Variants in ZNF676 observed in about 807,000 individuals in gnomAD.
ZNF676 encodes the protein zinc finger protein 676.
ZNF676 carries 4 observed loss-of-function variants against 6.0 expected under a neutral mutation model. That is an observed-to-expected ratio of 0.67 (90% CI 0.33 to 1.53). The LOEUF (loss-of-function observed/expected upper bound fraction) is 1.53, where lower values mean the gene tolerates loss of function less well. Ranked by LOEUF, ZNF676 falls within the 40% of genes most tolerant of loss-of-function variation. The probability of loss-of-function intolerance (pLI) is 0.06; values close to 1 mark genes in which losing one functional copy is unlikely to be tolerated. For missense variants in ZNF676, 644 were observed against 679.7 expected (o/e 0.95, Z 0.58); for synonymous variants, 198 against 223.1 (o/e 0.89, Z 1.00).
At chr19:22,200,566 T>C (rs2024015763), upstream of ZNF676, among the ~76,000 whole-genome samples, 2 of 133,326 alleles carry the variant, frequency 1.5e-5, no homozygotes, top group South Asian at 5.1e-4. Flanking sequence ...TTGCGGAGGC[T>C]GGAGTGCAAT....
upstream of ZNF676, among the ~76,000 whole-genome samples, chr19:22,218,953 T>TTTTGC (rs2024221329): frequency 6.6e-6 from 1 of 151,600 alleles, no homozygotes; most frequent in Admixed American, 6.6e-5. Flanking sequence ...TTTTGTTTTG[T>TTTTGC]TTTCCTAGTC....
the ZNF676 span, among the ~76,000 whole-genome samples, chr19:22,247,137 A>T: frequency 3.9e-5 from 6 of 152,322 alleles, no homozygotes; most frequent in Admixed American, 1.3e-4. Flanking sequence ...ATATTCTACC[A>T]GGGTAAAAAA....
upstream of ZNF676, among the ~76,000 whole-genome samples, chr19:22,219,956 G>C (rs1379635522): frequency 6.6e-6 from 1 of 152,054 alleles, no homozygotes; most frequent in Non-Finnish European, 1.5e-5. Context: ...CGCCCAGCCT[G>C]TCATAGATGG....
At chr19:22,200,845 A>T (rs2024018470), upstream of ZNF676, among the ~76,000 whole-genome samples, 1 of 152,006 alleles carries the variant, frequency 6.6e-6, no homozygotes, top group Non-Finnish European at 1.5e-5. Flanking sequence ...CACTGCACCC[A>T]GCCTGCTTCT....
Position 22,196,794 on chromosome 19 carries a change from G to C in ZNF676, c.-161C>G. ...GGGCAGAACTTTTAATGTGACTCAAGGTAAAATGGAGAGAGTAGAGAGAGC... is the reference window on the plus strand; with the variant it reads ...GGGCAGAACTTTTAATGTGACTCAACGTAAAATGGAGAGAGTAGAGAGAGC... On this transcript the variant is annotated 5_prime_UTR_variant, in exon 1 of 3. Coordinates refer to ENST00000397121, the MANE Select transcript of ZNF676 (RefSeq NM_001001411.3). 1 of 1,361,250 alleles carries C rather than the reference G, an allele frequency of 7.3e-7. No homozygotes were observed. Among genetic ancestry groups the C allele is most frequent in the Non-Finnish European group, 1.0e-6 (1 of 968,216 alleles). 84.3% of individuals were successfully genotyped at this position (1,361,250 alleles called of 1,614,324 possible).
chr19:22,251,063 CAAG>C, the ZNF676 span, among the ~76,000 whole-genome samples: 1 of 152,072 alleles, frequency 6.6e-6, no homozygotes, highest in African/African-American at 2.4e-5. Flanking sequence ...CTTGGGACCC[CAAG>C]AAGAGAGAAA....
At chr19:22,183,645 A>T (rs761667201) in intron 2 of ZNF676, among the ~76,000 whole-genome samples, 2 of 152,202 alleles carry the variant, frequency 1.3e-5, no homozygotes, top group Non-Finnish European at 2.9e-5. Context: ...CAGGTTATTT[A>T]AAAAATTTTA....
intron 2 of ZNF676, among the ~76,000 whole-genome samples, chr19:22,182,593 A>AAAAAAAAAAC (rs1356303631): frequency 1.1e-5 from 1 of 90,930 alleles, no homozygotes; most frequent in African/African-American, 4.5e-5. Flanking sequence ...TCTAAAAAAA[A>AAAAAAAAAAC]AAAAAAAAAG....
the ZNF676 span, among the ~76,000 whole-genome samples, chr19:22,235,786 A>G: frequency 6.6e-6 from 1 of 152,140 alleles, no homozygotes; most frequent in African/African-American, 2.4e-5. Context: ...TATATCCATC[A>G]GGTAGGACAG....
At chr19:22,189,465 T>C (rs1044750012) in intron 2 of ZNF676, among the ~76,000 whole-genome samples, 6 of 151,914 alleles carry the variant, frequency 3.9e-5, no homozygotes, top group African/African-American at 1.5e-4. Flanking sequence ...CATGGGCAAA[T>C]ACTTCATGAC....
Position 22,179,805 on chromosome 19 carries a change from A to T in ZNF676, c.*145T>A. On this transcript the variant is annotated 3_prime_UTR_variant, in exon 3 of 3. Transcript: ENST00000397121. ...GTTTGTAGTGTTTCTCTCCAGCATG[A>T]ATTTTCTTATGTGTAATAAAGATTG... 2.0e-6 allele frequency: 2 copies of T among 985,416 alleles called. No homozygotes were observed. Among genetic ancestry groups the T allele is most frequent in the Admixed American group, 2.1e-5 (1 of 48,584 alleles). 61.0% of individuals were successfully genotyped at this position (985,416 alleles called of 1,614,324 possible).
At chr19:22,222,233 T>C in the ZNF676 span, among the ~76,000 whole-genome samples, 2 of 152,114 alleles carry the variant, frequency 1.3e-5, no homozygotes, top group African/African-American at 4.8e-5. Context: ...GACTCCCGAG[T>C]AGCTGGGACT....
At chr19:22,249,789 G>A in the ZNF676 span, among the ~76,000 whole-genome samples, 1 of 150,426 alleles carries the variant, frequency 6.6e-6, no homozygotes, top group African/African-American at 2.4e-5. Flanking sequence ...GCACAGATCT[G>A]TTCCTTAACA....
intron 1 of ZNF676, among the ~76,000 whole-genome samples, chr19:22,210,407 C>T (rs188509862): frequency 6.6e-6 from 1 of 152,238 alleles, no homozygotes; most frequent in Admixed American, 6.5e-5. Flanking sequence ...TGGGGACTCC[C>T]ATAACCTTTT....
chr19:22,206,262 G>C (rs1334784703), intron 1 of ZNF676, among the ~76,000 whole-genome samples: 6 of 152,132 alleles, frequency 3.9e-5, no homozygotes, highest in Admixed American at 3.3e-4. Context: ...TTAAAAAGAA[G>C]AAACTCCTCC....
upstream of ZNF676, among the ~76,000 whole-genome samples, chr19:22,220,755 C>A (rs2024241208): frequency 6.6e-6 from 1 of 152,158 alleles, no homozygotes; most frequent in South Asian, 2.1e-4. Context: ...CTGAACCCAG[C>A]TGGCAATGTT....
the ZNF676 span, among the ~76,000 whole-genome samples, chr19:22,226,104 G>C: frequency 6.6e-6 from 1 of 151,762 alleles, no homozygotes; most frequent in South Asian, 2.1e-4. Context: ...TTTTGTCTAT[G>C]GTTCAAGGAA....
In ZNF676 at chr19:22,180,154, A is replaced by G. The variant is rs1464911729; in HGVS notation, c.1563T>C (p.Thr521=). Residue 521 remains threonine, a synonymous_variant, in exon 3 of 3, where the codon ACT becomes ACC. Transcript: ENST00000397121. ...GKAFSWSSIL[T]EHKIIHTGEK... is the part of the protein sequence containing the mutation. ...CTCCAGTATGAATTATCTTATGTTC[A>G]GTAAGGATCGAGGACCAGCTGAAGG... 6.2e-7 allele frequency: 1 copy of G among 1,613,334 alleles called. No homozygotes were observed. Among genetic ancestry groups the G allele is most frequent in the African/African-American group, 1.3e-5 (1 of 74,876 alleles).
chr19:22,226,000 A>G, the ZNF676 span, among the ~76,000 whole-genome samples: 2 of 152,106 alleles, frequency 1.3e-5, no homozygotes, highest in East Asian at 3.8e-4. Flanking sequence ...GTCATCTAAG[A>G]AAATGATTCC....
Sources: allele counts gnomAD v4.1 joint callset (sites outside exome capture counted in the v4.1 genomes callset), GRCh38; gene constraint gnomAD v4.1.1; transcripts MANE v1.5; gene names NCBI Gene and HGNC (gene_info 2026-07-23, HGNC 2026-07-21).